Variants in PEX14 observed in about 807,000 individuals in gnomAD.
PEX14 encodes the protein peroxisomal membrane protein PEX14.
Under a neutral mutation model 49.5 loss-of-function variants are expected in PEX14, and 15 were observed. The observed-to-expected ratio is 0.30, with a 90% confidence interval of 0.20 to 0.47. The LOEUF (loss-of-function observed/expected upper bound fraction) is 0.47. Ranked by LOEUF, PEX14 falls within the 20% of genes least tolerant of loss-of-function variation. The pLI is 1.00. For synonymous variants in PEX14, 210 were observed against 212.7 expected (o/e 0.99, Z 0.11); for missense variants, 398 against 494.8 (o/e 0.80, Z 1.86).
chr1:10,591,317 G>A (rs983377545), intron 3 of PEX14, among the ~76,000 whole-genome samples: 5 of 146,500 alleles, frequency 3.4e-5, no homozygotes, highest in Non-Finnish European at 7.4e-5. Flanking sequence ...CAAGAAGTTA[G>A]AAATTGTGGG....
At chr1:10,563,354 C>G (rs543671951) in intron 3 of PEX14, among the ~76,000 whole-genome samples, 6 of 151,312 alleles carry the variant, frequency 4.0e-5, no homozygotes, top group African/African-American at 1.5e-4. Context: ...AATCCCAGCA[C>G]TTTGGGAGGC....
At chr1:10,546,443 TA>T (rs1316151558) in intron 3 of PEX14, among the ~76,000 whole-genome samples, 1 of 150,006 alleles carries the variant, frequency 6.7e-6, no homozygotes, top group Non-Finnish European at 1.5e-5. Flanking sequence ...CGCTTACCTG[TA>T]AACCAAGCTA....
intron 2 of PEX14, chr1:10,528,272 A>T: frequency 1.0e-6 from 1 of 975,882 alleles, no homozygotes; most frequent in Non-Finnish European, 1.2e-6. Flanking sequence ...ATGACTAGAG[A>T]GCTTCACCAA....
At chr1:10,559,885 C>T (rs567170071) in intron 3 of PEX14, among the ~76,000 whole-genome samples, 43 of 152,202 alleles carry the variant, frequency 2.8e-4, no homozygotes, top group African/African-American at 9.2e-4. Context: ...TGAGTTCTTG[C>T]GTTTTCAGTC....
At chr1:10,599,129 G>T (rs1353209355) in intron 3 of PEX14, 109 bp from the exon 4 acceptor site, 7 of 1,121,416 alleles carry the variant, frequency 6.2e-6, no homozygotes, top group African/African-American at 1.5e-5. Flanking sequence ...AACTTACTAG[G>T]ATGCGAGGCA....
Position 10,579,910 on chromosome 1 carries a change from A to T in PEX14, c.170-19328A>T, listed in dbSNP as rs925841652. Among the ~76,000 whole-genome samples, 5 of 151,930 alleles carry T rather than the reference A, an allele frequency of 3.3e-5. No homozygotes were observed. The East Asian group carries it at 9.7e-4, about 30-fold the overall frequency. On this transcript the variant is annotated intron_variant, in intron 3 of 8. Transcript: ENST00000356607. ...GACTTAGAATGCCTCAGCTGTTTGGAAATGCATCCCAGTAGGTTTCAGCCT... is the reference window on the plus strand; with the variant it reads ...GACTTAGAATGCCTCAGCTGTTTGGTAATGCATCCCAGTAGGTTTCAGCCT...
intron 3 of PEX14, among the ~76,000 whole-genome samples, chr1:10,557,156 C>G (rs557362771): frequency 5.3e-5 from 8 of 151,942 alleles, no homozygotes; most frequent in Non-Finnish European, 1.0e-4. Context: ...GCCTTGTGTT[C>G]TGCTGAAAAT....
At chr1:10,533,938 C>T (rs1048794882) in intron 2 of PEX14, among the ~76,000 whole-genome samples, 2 of 152,186 alleles carry the variant, frequency 1.3e-5, no homozygotes, top group African/African-American at 4.8e-5. Context: ...GAACTTTGCT[C>T]TCTGACCAGA....
intron 2 of PEX14, among the ~76,000 whole-genome samples, chr1:10,501,698 T>G (rs1641683972): frequency 6.6e-6 from 1 of 152,110 alleles, no homozygotes. Flanking sequence ...GAGGATTGCT[T>G]GAGTTCCGGA....
rs886669972 is a variant in PEX14, at chr1:10,597,121, T to C, written c.170-2117T>C. ...TGTATATTTCCCCAGTGTTAAACAT[T>C]ATTGTACTTGTTTATATTTGAAAGA... On this transcript the variant is annotated intron_variant, in intron 3 of 8. Coordinates refer to ENST00000356607, the MANE Select transcript of PEX14 (RefSeq NM_004565.3). The surrounding 1 kb of genome is among the most constrained non-coding windows in gnomAD (Gnocchi z 5.7). 2.6e-5 allele frequency among the ~76,000 whole-genome samples: 4 copies of C among 152,228 alleles called. No homozygotes were observed. Among genetic ancestry groups the C allele is most frequent in the Non-Finnish European group, 5.9e-5 (4 of 68,032 alleles).
At chr1:10,537,851 GA>G (rs540675224) in intron 3 of PEX14, among the ~76,000 whole-genome samples, 11 of 146,384 alleles carry the variant, frequency 7.5e-5, no homozygotes, top group African/African-American at 1.0e-4. Flanking sequence ...GAGAGGGAGT[GA>G]AAAAAAAAAG....
At chr1:10,516,082 A>C in intron 2 of PEX14, among the ~76,000 whole-genome samples, 1 of 152,232 alleles carries the variant, frequency 6.6e-6, no homozygotes. Flanking sequence ...TTGTATTTGC[A>C]ATAGCAGAAA....
intron 3 of PEX14, among the ~76,000 whole-genome samples, chr1:10,554,764 A>C (rs918600525): frequency 2.0e-5 from 3 of 151,476 alleles, no homozygotes; most frequent in African/African-American, 7.3e-5. Flanking sequence ...CCCAGGCTGG[A>C]ATACAGTGGC....
intron 3 of PEX14, among the ~76,000 whole-genome samples, chr1:10,556,822 GA>G (rs1213459126): frequency 1.3e-5 from 2 of 152,188 alleles, no homozygotes; most frequent in African/African-American, 4.8e-5. Flanking sequence ...GCACCCTGGG[GA>G]CAGGGGAGAG....
Position 10,513,785 on chromosome 1 carries a change from A to G in PEX14, c.84+18464A>G, listed in dbSNP as rs114031609. On this transcript the variant is annotated intron_variant, in intron 2 of 8. Transcript: ENST00000356607. ...TATTGATTGCTATAGGGACGTTTCT[A>G]TTTTCACTGGCTGCTATATTGACTG... Among the ~76,000 whole-genome samples, 812 of 152,204 alleles carry G rather than the reference A, an allele frequency of 5.3e-3. 3 individuals are homozygous for G. The highest frequency in any genetic ancestry group is 0.018 in the African/African-American group (756 of 41,526).
At chr1:10,561,054 C>T (rs1227571940) in intron 3 of PEX14, among the ~76,000 whole-genome samples, 3 of 152,070 alleles carry the variant, frequency 2.0e-5, no homozygotes, top group Non-Finnish European at 2.9e-5. Flanking sequence ...TCTCTACACA[C>T]ACACATATAC....
intron 2 of PEX14, among the ~76,000 whole-genome samples, chr1:10,496,700 C>G (rs970897255): frequency 2.0e-5 from 3 of 151,882 alleles, no homozygotes; most frequent in African/African-American, 7.3e-5. Context: ...CCTGCAGACC[C>G]CTTGCTCTGC....
At chr1:10,548,132 G>A (rs964528395) in intron 3 of PEX14, among the ~76,000 whole-genome samples, 4 of 152,204 alleles carry the variant, frequency 2.6e-5, no homozygotes, top group South Asian at 2.1e-4. Flanking sequence ...CAGGAGAATC[G>A]CTTGAACCCT....
chr1:10,618,279 C>A, intron 4 of PEX14, 53 bp from the exon 5 acceptor site: 2 of 1,461,290 alleles, frequency 1.4e-6, no homozygotes, highest in South Asian at 2.3e-5. Flanking sequence ...AGCCCCCACC[C>A]GAAGAAGGAC....
Sources: gnomAD v4.1 joint callset for allele counts (sites outside exome capture counted in the v4.1 genomes callset) on GRCh38, gnomAD v4.1.1 for gene constraint, Gnocchi (gnomAD v3.1) non-coding constraint, MANE v1.5 for transcripts, NCBI Gene and HGNC (gene_info 2026-07-23, HGNC 2026-07-21) for gene names.